CDH1: variants seen among roughly 807,000 people sequenced by gnomAD.
CDH1 encodes cadherin-1.
A neutral mutation model predicts 84.5 loss-of-function variants in CDH1; 35 were observed. That is an observed-to-expected ratio of 0.41 (90% CI 0.32 to 0.55). The LOEUF is 0.55. Among genes scored for constraint, CDH1 ranks in the 20% least tolerant of loss-of-function variants. CDH1 has a pLI of 0.19. For synonymous variants in CDH1, 417 were observed against 439.0 expected, an observed-to-expected ratio of 0.95 and a Z score of 0.63; for missense variants, 994 against 1,126.6, an observed-to-expected ratio of 0.88 and a Z score of 1.68.
At chr16:68,831,231 A>G (rs1179770327) in intron 15 of CDH1, among the ~76,000 whole-genome samples, 1 of 148,354 alleles carries the variant, frequency 6.7e-6, no homozygotes, top group Non-Finnish European at 1.5e-5. Flanking sequence ...GGCACCTGCC[A>G]TCAAGCCTGG....
At chr16:68,811,559 AACTCTG>A (rs1223524907) in intron 6 of CDH1, 119 bp from the exon 7 acceptor site, 1 of 800,440 alleles carries the variant, frequency 1.2e-6, no homozygotes, top group African/African-American at 1.7e-5. Context: ...GGAATTAGGG[AACTCTG>A]ACACGGTACC....
intron 3 of CDH1, 122 bp downstream of exon 3, chr16:68,802,015 G>C: frequency 1.2e-6 from 1 of 813,286 alleles, no homozygotes; most frequent in Non-Finnish European, 2.1e-6. Flanking sequence ...GGGTTGTCCT[G>C]TGCACTGTGT....
Position 68,834,521 on chromosome 16 carries a change from T to C in CDH1, c.*1022T>C. On this transcript the variant is annotated 3_prime_UTR_variant, in exon 16 of 16. Transcript: ENST00000261769. ...CATGAGCTGCTGTGCCCAGCCTCCA[T>C]GTTTTAATATCAACTCTCACTCCTG... 1 of 271,240 alleles carries C rather than the reference T, an allele frequency of 3.7e-6. No individual in the cohort carries two copies. The highest frequency in any genetic ancestry group is 7.2e-6 in the Non-Finnish European group (1 of 139,850). 16.8% of individuals were successfully genotyped at this position (271,240 alleles called of 1,614,324 possible).
rs1555517848 is a variant in CDH1 at position 68,829,707 on chromosome 16, T to C, written c.2349T>C (p.Thr783=). ...GCCTGGACGCTCGGCCTGAAGTGAC[T>C]CGTAACGACGTTGCACCAACCCTCA... is the stretch of plus-strand genomic sequence containing the variant. ...HRGLDARPEV[T]RNDVAPTLMS... is the part of the protein sequence containing the mutation. Residue 783 remains threonine, a synonymous_variant, in exon 15 of 16, where the codon ACT becomes ACC. Transcript: ENST00000261769. The C allele has an allele frequency of 1.9e-6, 3 of 1,614,160 alleles. No homozygotes were observed. Among genetic ancestry groups the C allele is most frequent in the Non-Finnish European group, 2.5e-6 (3 of 1,180,008 alleles).
rs373674981 is a variant in CDH1 at position 68,772,771 on chromosome 16, C to T, written c.164-28899C>T. ...GCAACAGAGTGAGACCCCATCCTAA[C>T]AAAAAATACAAAAAGTACAAAAAAA... On this transcript the variant is annotated intron_variant, in intron 2 of 15. Transcript: ENST00000261769. Among the ~76,000 whole-genome samples the T allele has an allele frequency of 2.0e-4, 30 of 151,794 alleles. 1 individual carries two copies. Among genetic ancestry groups the T allele is most frequent in the African/African-American group, 7.2e-4 (30 of 41,408 alleles).
intron 2 of CDH1, among the ~76,000 whole-genome samples, chr16:68,760,749 G>A (rs972699590): frequency 1.3e-5 from 2 of 152,188 alleles, no homozygotes; most frequent in Non-Finnish European, 2.9e-5. Flanking sequence ...GGGATGCCAA[G>A]TCGTCAGACA....
At chr16:68,751,283 C>T (rs1241213464) in intron 2 of CDH1, among the ~76,000 whole-genome samples, 1 of 152,180 alleles carries the variant, frequency 6.6e-6, no homozygotes. Context: ...GTCCTCATCT[C>T]TTCCCACTCT....
intron 2 of CDH1, among the ~76,000 whole-genome samples, chr16:68,740,968 G>T (rs1334496495): frequency 6.6e-6 from 1 of 151,946 alleles, no homozygotes; most frequent in Non-Finnish European, 1.5e-5. Context: ...AAGAAAAAAG[G>T]TGTTTGGGGA....
At chr16:68,762,583 T>G (rs1327344671) in intron 2 of CDH1, among the ~76,000 whole-genome samples, 1 of 152,032 alleles carries the variant, frequency 6.6e-6, no homozygotes, top group Non-Finnish European at 1.5e-5. Flanking sequence ...TTCAATCACA[T>G]TTTGCTCCTC....
At chr16:68,780,000 ACAATGAG>A (rs1959832165) in intron 2 of CDH1, among the ~76,000 whole-genome samples, 2 of 152,232 alleles carry the variant, frequency 1.3e-5, no homozygotes, top group South Asian at 4.1e-4. Context: ...CCGGCTCTCT[ACAATGAG>A]GCTCCAGCTA....
At chr16:68,758,126 C>CT (rs1192001543) in intron 2 of CDH1, among the ~76,000 whole-genome samples, 5 of 145,782 alleles carry the variant, frequency 3.4e-5, no homozygotes, top group Admixed American at 7.0e-5. Context: ...AAGTTTCTTT[C>CT]TTTTTTTTCA....
At chr16:68,829,505 A>T (rs1961418734) in intron 14 of CDH1, 149 bp from the exon 15 acceptor site, 1 of 842,192 alleles carries the variant, frequency 1.2e-6, no homozygotes, top group Admixed American at 2.1e-5. Flanking sequence ...TTTTAGCTTG[A>T]AAACTGTCAT....
intron 3 of CDH1, among the ~76,000 whole-genome samples, chr16:68,802,667 C>T (rs1216889359): frequency 6.6e-6 from 1 of 152,124 alleles, no homozygotes; most frequent in Non-Finnish European, 1.5e-5. Flanking sequence ...GGCAGGGTTT[C>T]ACCATGTTGG....
At chr16:68,802,992 CT>C (rs939269595) in intron 3 of CDH1, among the ~76,000 whole-genome samples, 1 of 152,150 alleles carries the variant, frequency 6.6e-6, no homozygotes, top group African/African-American at 2.4e-5. Context: ...GGATGTCTGC[CT>C]GGGTTCTTGG....
At chr16:68,821,864 G>C in intron 11 of CDH1, 137 bp from the exon 12 acceptor site, 1 of 727,332 alleles carries the variant, frequency 1.4e-6, no homozygotes, top group Admixed American at 2.0e-5. Context: ...GGTGGGACAG[G>C]AGGTTCTGCG....
intron 2 of CDH1, among the ~76,000 whole-genome samples, chr16:68,778,002 G>T (rs1959781811): frequency 6.6e-6 from 1 of 151,748 alleles, no homozygotes; most frequent in Admixed American, 6.6e-5. Flanking sequence ...AAAGTGCTAG[G>T]ATTACAGGCA....
At chr16:68,738,606 C>T (rs1029756969) in intron 2 of CDH1, among the ~76,000 whole-genome samples, 195 bp downstream of exon 2, 2 of 152,158 alleles carry the variant, frequency 1.3e-5, no homozygotes, top group Non-Finnish European at 2.9e-5. Flanking sequence ...GTAACCCTGC[C>T]TGGTTGTTGA....
rs1555509646 is a variant in CDH1, at chr16:68,737,441, C to T, written c.26C>T (p.Ser9Leu). The T allele has an allele frequency of 6.5e-7, 1 of 1,535,660 alleles. No individual in the cohort carries two copies. The highest frequency in any genetic ancestry group is 8.7e-7 in the Non-Finnish European group (1 of 1,147,480). Residue 9 changes from serine (S) to leucine (L), a missense_variant, in exon 1 of 16, where the codon TCG becomes TTG. Transcript: ENST00000261769. The part of the protein sequence containing the change: MGPWSRSL[S>L]ALLLLLQVSS... ...ATGGGCCCTTGGAGCCGCAGCCTCTCGGCGCTGCTGCTGCTGCTGCAGGTA... is the reference window on the plus strand; with the variant it reads ...ATGGGCCCTTGGAGCCGCAGCCTCTTGGCGCTGCTGCTGCTGCTGCAGGTA...
intron 3 of CDH1, among the ~76,000 whole-genome samples, chr16:68,805,356 C>T (rs1188000860): frequency 6.6e-6 from 1 of 152,084 alleles, no homozygotes. Flanking sequence ...CTTCCACGTG[C>T]AGTGTTTTCA....
Sources: gnomAD v4.1 joint callset for allele counts (sites outside exome capture counted in the v4.1 genomes callset) on GRCh38, gnomAD v4.1.1 for gene constraint, MANE v1.5 for transcripts, NCBI Gene and HGNC (gene_info 2026-07-23, HGNC 2026-07-21) for gene names.